Variants in ADK observed in about 807,000 individuals in gnomAD.
ADK encodes adenosine kinase.
A neutral mutation model predicts 44.7 loss-of-function variants in ADK; 24 were observed. The observed-to-expected ratio is 0.54, with a 90% CI of 0.39 to 0.76. The LOEUF (loss-of-function observed/expected upper bound fraction) is 0.76. Among genes scored for constraint, ADK ranks in the 30% least tolerant of loss-of-function variants. The pLI is 0.00. For synonymous variants in ADK, 128 were observed against 142.6 expected, an observed-to-expected ratio of 0.90 and a Z score of 0.73; for missense variants, 321 against 425.1, an observed-to-expected ratio of 0.76 and a Z score of 2.15.
chr10:74,688,811 G>T (rs1855879863), intron 10 of ADK, among the ~76,000 whole-genome samples: 1 of 152,158 alleles, frequency 6.6e-6, no homozygotes, highest in African/African-American at 2.4e-5. Context: ...AGTTACTCAG[G>T]ATGGTGAGAT....
At chr10:74,561,608 G>T (rs1409794035) in intron 7 of ADK, among the ~76,000 whole-genome samples, 1 of 152,160 alleles carries the variant, frequency 6.6e-6, no homozygotes. Context: ...TGAAATTGAT[G>T]AGTACTTTCA....
chr10:74,483,990 G>T (rs918448717), intron 6 of ADK, among the ~76,000 whole-genome samples: 33 of 152,230 alleles, frequency 2.2e-4, no homozygotes, highest in African/African-American at 7.7e-4. Context: ...TTCAACCTCT[G>T]TGTGTTACAC....
intron 6 of ADK, among the ~76,000 whole-genome samples, chr10:74,447,419 C>T (rs1015245948): frequency 3.3e-5 from 5 of 151,986 alleles, no homozygotes; most frequent in Admixed American, 3.3e-4. Flanking sequence ...GAGAGGAGGA[C>T]GCCATTACAA....
intron 3 of ADK, among the ~76,000 whole-genome samples, chr10:74,271,755 T>C (rs1018971998): frequency 6.6e-6 from 1 of 151,746 alleles, no homozygotes; most frequent in African/African-American, 2.4e-5. Context: ...TCATTTTTTA[T>C]GGCTGCATAG....
intron 3 of ADK, among the ~76,000 whole-genome samples, chr10:74,249,525 AC>A (rs1845568933): frequency 6.7e-6 from 1 of 149,822 alleles, no homozygotes; most frequent in Non-Finnish European, 1.5e-5. Context: ...ACACACACAC[AC>A]AGTTTTATTT....
intron 1 of ADK, among the ~76,000 whole-genome samples, chr10:74,186,593 T>A (rs890847870): frequency 2.6e-5 from 4 of 152,118 alleles, no homozygotes; most frequent in Non-Finnish European, 4.4e-5. Context: ...TGTGAGCCAC[T>A]GTGCCTGATC....
chr10:74,322,190 G>A (rs766596712), intron 4 of ADK, among the ~76,000 whole-genome samples: 19 of 152,080 alleles, frequency 1.2e-4, no homozygotes, highest in African/African-American at 2.9e-4. Context: ...TCTGTGCATC[G>A]GAACAGTCCA....
chr10:74,421,873 T>C (rs1339459862), intron 6 of ADK, among the ~76,000 whole-genome samples: 1 of 152,152 alleles, frequency 6.6e-6, no homozygotes, highest in East Asian at 1.9e-4. Flanking sequence ...TAAGGATAAA[T>C]TATTGAGTAA....
chr10:74,637,177 ATG>A (rs1853648637), intron 9 of ADK, among the ~76,000 whole-genome samples: 1 of 152,180 alleles, frequency 6.6e-6, no homozygotes, highest in African/African-American at 2.4e-5. Flanking sequence ...TTCTTTTTAT[ATG>A]TGTGTGAAGA....
chr10:74,328,662 T>C (rs1025923594), intron 4 of ADK, among the ~76,000 whole-genome samples: 4 of 152,142 alleles, frequency 2.6e-5, no homozygotes, highest in African/African-American at 9.7e-5. Flanking sequence ...GTTTGGCAGT[T>C]CCTCCTTCAC....
At chr10:74,690,159 C>G (rs1264484049) in intron 10 of ADK, among the ~76,000 whole-genome samples, 2 of 152,186 alleles carry the variant, frequency 1.3e-5, no homozygotes, top group Non-Finnish European at 2.9e-5. Context: ...ATATGCCTCC[C>G]CTGTATCAGA....
chr10:74,563,154 C>T (rs1285343023), intron 7 of ADK, among the ~76,000 whole-genome samples: 1 of 152,100 alleles, frequency 6.6e-6, no homozygotes, highest in Non-Finnish European at 1.5e-5. Flanking sequence ...CCTTGAATTC[C>T]TGGGCTAAAG....
intron 1 of ADK, among the ~76,000 whole-genome samples, chr10:74,187,917 AT>A (rs1173603091): frequency 1.3e-5 from 2 of 152,130 alleles, no homozygotes; most frequent in Non-Finnish European, 2.9e-5. Flanking sequence ...TGTCTTAATT[AT>A]TGTAGCTTTA....
chr10:74,469,247 G>GA (rs1193057177), intron 6 of ADK, among the ~76,000 whole-genome samples: 1 of 152,170 alleles, frequency 6.6e-6, no homozygotes, highest in African/African-American at 2.4e-5. Flanking sequence ...GCTAAGGTGA[G>GA]AAAATCACCT....
At chr10:74,186,643 G>C (rs13376718) in intron 1 of ADK, among the ~76,000 whole-genome samples, 3,730 of 152,110 alleles carry the variant, frequency 0.025, 157 homozygotes, top group African/African-American at 0.085. Context: ...TTCTCACCCA[G>C]GCAACCACTT....
chr10:74,543,770 G>C (rs761809652), intron 7 of ADK, among the ~76,000 whole-genome samples: 1 of 152,108 alleles, frequency 6.6e-6, no homozygotes, highest in Non-Finnish European at 1.5e-5. Context: ...AGTTGAACCA[G>C]CCAATTCATT....
chr10:74,485,308 A>C lies in ADK; in HGVS notation c.556-39948A>C, dbSNP rs575155284. On this transcript the variant is annotated intron_variant, in intron 6 of 10. Transcript: ENST00000539909. ...TTCTACCTCATCATTAATTAGGGAA[A>C]TGCATTAGCCGGGCATGGTGGCACA... 2.6e-5 allele frequency among the ~76,000 whole-genome samples: 4 copies of C among 152,142 alleles called. No homozygotes were observed. In the East Asian group the frequency reaches 7.7e-4, roughly 29 times the overall value.
chr10:74,695,637 T>G (rs1257423239), intron 10 of ADK, among the ~76,000 whole-genome samples: 3 of 151,538 alleles, frequency 2.0e-5, no homozygotes, highest in South Asian at 2.1e-4. Context: ...TGTGTGTGTG[T>G]GTGTGTGTGT....
At chr10:74,405,974 T>C (rs1843908228) in intron 6 of ADK, among the ~76,000 whole-genome samples, 1 of 152,192 alleles carries the variant, frequency 6.6e-6, no homozygotes, top group Non-Finnish European at 1.5e-5. Context: ...TTCTCTGATA[T>C]TGTGGTCTTT....
Sources: gnomAD v4.1 joint callset for allele counts (sites outside exome capture counted in the v4.1 genomes callset) on GRCh38, gnomAD v4.1.1 for gene constraint, MANE v1.5 for transcripts, NCBI Gene and HGNC (gene_info 2026-07-23, HGNC 2026-07-21) for gene names.